Variants in DPCD observed in about 807,000 individuals in gnomAD.
DPCD encodes deleted in primary ciliary dyskinesia homolog (mouse).
DPCD carries 20 observed loss-of-function variants against 26.4 expected under a neutral mutation model. The observed-to-expected ratio is 0.76, with a 90% CI of 0.53 to 1.10. DPCD has a LOEUF of 1.10. Ranked by LOEUF, DPCD falls within the 50% of genes least tolerant of loss-of-function variation. The pLI is 0.00. For synonymous variants in DPCD, 97 were observed against 94.2 expected (o/e 1.03, Z -0.17); for missense variants, 202 against 253.9 (o/e 0.80, Z 1.39).
chr10:101,597,513 C>G (rs1334715203), intron 2 of DPCD, among the ~76,000 whole-genome samples: 1 of 152,196 alleles, frequency 6.6e-6, no homozygotes, highest in Non-Finnish European at 1.5e-5. Context: ...TTCCAGCCCA[C>G]CTGAAAGATG....
intron 4 of DPCD, among the ~76,000 whole-genome samples, chr10:101,605,714 T>TCCCCACCTCCCACCTCAATATCTG (rs1167870322): frequency 6.6e-6 from 1 of 152,142 alleles, no homozygotes; most frequent in African/African-American, 2.4e-5. Flanking sequence ...TTGTTGAACA[T>TCCCCACCTCCCACCTCAATATCTG]CCCCACCTCC....
At chr10:101,607,542 A>G (rs2063741818) in intron 4 of DPCD, among the ~76,000 whole-genome samples, 1 of 152,142 alleles carries the variant, frequency 6.6e-6, no homozygotes, top group South Asian at 2.1e-4. Flanking sequence ...AGGGGCCCCG[A>G]GAGCCTCTGT....
In DPCD at chr10:101,595,514, T is replaced by C. The variant is rs1012584139; in HGVS notation, c.145+776T>C. 2.0e-5 allele frequency among the ~76,000 whole-genome samples: 3 copies of C among 152,242 alleles called. 1 individual carries two copies. The highest frequency in any genetic ancestry group is 2.0e-4 in the Admixed American group (3 of 15,288). On this transcript the variant is annotated intron_variant, in intron 2 of 5. Coordinates refer to ENST00000370151, the MANE Select transcript of DPCD (RefSeq NM_015448.3). ...GATGGAATCACAGGCTGGTTTATTT[T>C]CTTGTCATTATTCTTGGCTTTAATT... is the stretch of plus-strand genomic sequence containing the variant.
In DPCD at chr10:101,603,901, T is replaced by G. The variant is rs1050034976; in HGVS notation, c.404+2565T>G. Among the ~76,000 whole-genome samples, 1 of 152,194 alleles carries G rather than the reference T, an allele frequency of 6.6e-6. No homozygotes were observed. Among genetic ancestry groups the G allele is most frequent in the Admixed American group, 6.5e-5 (1 of 15,286 alleles). On this transcript the variant is annotated intron_variant, in intron 4 of 5. Coordinates refer to ENST00000370151, the MANE Select transcript of DPCD (RefSeq NM_015448.3). This position sits in a 1 kb window ranked among gnomAD's most constrained non-coding sequence, Gnocchi z 4.6. ...CTGAGAAGCTGGGACTATAGGCGCA[T>G]ACCACCCAATCTGGCCAAGTTTAAA...
intron 5 of DPCD, 46 bp downstream of exon 5, chr10:101,608,983 T>C: frequency 1.4e-6 from 2 of 1,463,766 alleles, no homozygotes; most frequent in Non-Finnish European, 1.9e-6. Context: ...GGGAGAGTCT[T>C]CCTCTTTCCC....
At chr10:101,591,444 T>C (rs1401883689) in intron 1 of DPCD, among the ~76,000 whole-genome samples, 1 of 152,130 alleles carries the variant, frequency 6.6e-6, no homozygotes, top group Non-Finnish European at 1.5e-5. Flanking sequence ...GAAAAACAAC[T>C]CAGTATTGCA....
chr10:101,592,975 C>G (rs950121354), intron 1 of DPCD, among the ~76,000 whole-genome samples: 3 of 150,182 alleles, frequency 2.0e-5, no homozygotes, highest in African/African-American at 7.4e-5. Context: ...GATCACACCA[C>G]TGCACTCCAG....
chr10:101,606,285 C>T (rs1000992457), intron 4 of DPCD, among the ~76,000 whole-genome samples: 7 of 152,166 alleles, frequency 4.6e-5, no homozygotes, highest in African/African-American at 1.7e-4. Context: ...CCTCAGCCTC[C>T]CAAGTAGCTA....
chr10:101,596,166 G>C (rs1589723288), intron 2 of DPCD, among the ~76,000 whole-genome samples: 1 of 152,200 alleles, frequency 6.6e-6, no homozygotes, highest in African/African-American at 2.4e-5. Flanking sequence ...TTATTAACCT[G>C]TCACTTCTCC....
intron 1 of DPCD, among the ~76,000 whole-genome samples, chr10:101,591,641 A>G: frequency 6.6e-6 from 1 of 152,142 alleles, no homozygotes; most frequent in East Asian, 1.9e-4. Flanking sequence ...GAAATATGAA[A>G]AATAAAGAAG....
At chr10:101,604,659 G>A (rs764932135) in intron 4 of DPCD, among the ~76,000 whole-genome samples, 19 of 152,220 alleles carry the variant, frequency 1.2e-4, no homozygotes, top group African/African-American at 3.9e-4. Flanking sequence ...GAAGTTGGCC[G>A]CTGTAGGTGG....
intron 1 of DPCD, among the ~76,000 whole-genome samples, chr10:101,589,713 C>T (rs569061917): frequency 1.3e-5 from 2 of 152,206 alleles, no homozygotes; most frequent in South Asian, 2.1e-4. Flanking sequence ...ACCACCCCAT[C>T]GCTACTAAAA....
chr10:101,605,883 G>A (rs2063730115), intron 4 of DPCD, among the ~76,000 whole-genome samples: 1 of 152,178 alleles, frequency 6.6e-6, no homozygotes, highest in Admixed American at 6.5e-5. Flanking sequence ...TGTGAGTTGG[G>A]CAAGATATCT....
intron 1 of DPCD, among the ~76,000 whole-genome samples, chr10:101,592,382 C>T (rs2063616462): frequency 6.6e-6 from 1 of 152,070 alleles, no homozygotes; most frequent in Non-Finnish European, 1.5e-5. Context: ...CATAGCCAGA[C>T]ACTCTTAAAA....
chr10:101,588,552 C>A (rs1564885664), intron 1 of DPCD, 152 bp downstream of exon 1: 5 of 1,457,420 alleles, frequency 3.4e-6, no homozygotes, highest in Non-Finnish European at 4.5e-6. Flanking sequence ...GACTGAGGTT[C>A]ACAGAGATGA....
chr10:101,606,417 T>C (rs2063733465), intron 4 of DPCD, among the ~76,000 whole-genome samples: 1 of 152,212 alleles, frequency 6.6e-6, no homozygotes, highest in Non-Finnish European at 1.5e-5. Context: ...TACCTCGGCC[T>C]CCCAAAATGC....
intron 4 of DPCD, 65 bp from the exon 5 acceptor site, chr10:101,608,770 G>T: frequency 9.4e-7 from 1 of 1,063,258 alleles, no homozygotes. Context: ...GGCAGCAGAG[G>T]GCCTGACGCC....
chr10:101,593,927 G>C (rs2063631326), intron 1 of DPCD, among the ~76,000 whole-genome samples: 2 of 152,060 alleles, frequency 1.3e-5, no homozygotes, highest in African/African-American at 4.8e-5. Context: ...AGCCACACTT[G>C]GTCTTTAGGA....
chr10:101,596,038 T>C (rs2063649389), intron 2 of DPCD, among the ~76,000 whole-genome samples: 1 of 152,212 alleles, frequency 6.6e-6, no homozygotes, highest in African/African-American at 2.4e-5. Context: ...CTATAGCTGC[T>C]GCGGCTGTAA....
Sources: gnomAD v4.1 joint callset for allele counts (sites outside exome capture counted in the v4.1 genomes callset) on GRCh38, gnomAD v4.1.1 for gene constraint, Gnocchi (gnomAD v3.1) non-coding constraint, MANE v1.5 for transcripts, NCBI Gene and HGNC (gene_info 2026-07-23, HGNC 2026-07-21) for gene names.